ARSB: variants seen among roughly 807,000 people sequenced by gnomAD.
The protein encoded by ARSB is arylsulfatase B.
ARSB carries 41 observed loss-of-function variants against 50.9 expected under a neutral mutation model. The observed-to-expected ratio is 0.81, with a 90% CI of 0.63 to 1.04. The LOEUF is 1.04. Among genes scored for constraint, ARSB ranks in the 50% least tolerant of loss-of-function variants. The probability of loss-of-function intolerance (pLI) is 0.00; values close to 1 mark genes in which losing one functional copy is unlikely to be tolerated. For missense variants in ARSB, 672 were observed against 693.3 expected (o/e 0.97, Z 0.35); for synonymous variants, 269 against 284.8 (o/e 0.94, Z 0.56).
At chr5:78,886,140 C>T (rs1426580622) in intron 4 of ARSB, among the ~76,000 whole-genome samples, 2 of 152,140 alleles carry the variant, frequency 1.3e-5, no homozygotes, top group Admixed American at 1.3e-4. Context: ...ACTTTAAATA[C>T]ACCTGTGTAA....
Position 78,944,875 on chromosome 5 carries a change from G to A in ARSB, c.898+10420C>T, listed in dbSNP as rs1201105401. 3.3e-5 allele frequency among the ~76,000 whole-genome samples: 5 copies of A among 152,358 alleles called. No individual in the cohort carries two copies. In the South Asian group the frequency reaches 1.0e-3, roughly 32 times the overall value. On this transcript the variant is annotated intron_variant, in intron 4 of 7. Transcript: ENST00000264914. ...TGTTCAGCTATGCCCTGCCCCCAGA[G>A]GTGGAGTCTACAGAGGCAGACAGGC...
chr5:78,888,281 AAAC>A (rs569311108), intron 4 of ARSB, among the ~76,000 whole-genome samples: 437 of 152,344 alleles, frequency 2.9e-3, no homozygotes, highest in Middle Eastern at 0.014. Flanking sequence ...CGTATATTCA[AAAC>A]AACAAAAGGT....
At chr5:78,852,748 G>A (rs1490124696) in intron 5 of ARSB, among the ~76,000 whole-genome samples, 1 of 152,048 alleles carries the variant, frequency 6.6e-6, no homozygotes, top group African/African-American at 2.4e-5. Flanking sequence ...TGGAGGCTTT[G>A]TTCGTTTCTT....
At chr5:78,950,092 C>G (rs1016041963) in intron 4 of ARSB, among the ~76,000 whole-genome samples, 2 of 152,152 alleles carry the variant, frequency 1.3e-5, no homozygotes, top group Non-Finnish European at 2.9e-5. Flanking sequence ...GATTCCTGTG[C>G]AGGTTCCTGG....
chr5:78,916,656 T>C (rs1749557880), intron 4 of ARSB, among the ~76,000 whole-genome samples: 1 of 152,228 alleles, frequency 6.6e-6, no homozygotes, highest in African/African-American at 2.4e-5. Context: ...TTTATCATTT[T>C]CCTATTAAGT....
intron 4 of ARSB, among the ~76,000 whole-genome samples, chr5:78,893,063 G>A (rs1328703405): frequency 2.6e-5 from 4 of 151,386 alleles, no homozygotes; most frequent in African/African-American, 9.7e-5. Context: ...GAATCACAGG[G>A]GCAGATTCCC....
In ARSB at chr5:78,907,396, G is replaced by T. The variant is rs140979266; in HGVS notation, c.899-21569C>A. 7.2e-5 allele frequency among the ~76,000 whole-genome samples: 11 copies of T among 152,286 alleles called. No homozygotes were observed. In the East Asian group the frequency reaches 1.9e-3, roughly 27 times the overall value. On this transcript the variant is annotated intron_variant, in intron 4 of 7. Coordinates refer to ENST00000264914, the MANE Select transcript of ARSB (RefSeq NM_000046.5). ...AGTGTTTCCAGGACTTTGGTTCAGAGTGAGGACTGGAGGCCCAGCCACACT... is the reference window on the plus strand; with the variant it reads ...AGTGTTTCCAGGACTTTGGTTCAGATTGAGGACTGGAGGCCCAGCCACACT...
At chr5:78,851,826 G>A (rs1171505914) in intron 5 of ARSB, among the ~76,000 whole-genome samples, 2 of 151,970 alleles carry the variant, frequency 1.3e-5, no homozygotes, top group East Asian at 3.9e-4. Flanking sequence ...GGCCTTCTTT[G>A]TCTCTTTTGA....
intron 6 of ARSB, among the ~76,000 whole-genome samples, chr5:78,827,858 T>G (rs1226592153): frequency 6.6e-6 from 1 of 151,594 alleles, no homozygotes; most frequent in Non-Finnish European, 1.5e-5. Context: ...TTCCACAATT[T>G]CTGATTTTTT....
chr5:78,879,865 A>C (rs779548645), intron 5 of ARSB, among the ~76,000 whole-genome samples: 1 of 152,208 alleles, frequency 6.6e-6, no homozygotes, highest in Non-Finnish European at 1.5e-5. Context: ...TTTCTCAAGC[A>C]ATGGGAACAG....
At chr5:78,984,143 T>C (rs1394629083) in intron 1 of ARSB, among the ~76,000 whole-genome samples, 1 of 152,192 alleles carries the variant, frequency 6.6e-6, no homozygotes, top group African/African-American at 2.4e-5. Context: ...CCAACGAGCC[T>C]TTACAGGCTT....
At chr5:78,936,132 T>C (rs1275367963) in intron 4 of ARSB, among the ~76,000 whole-genome samples, 4 of 131,516 alleles carry the variant, frequency 3.0e-5, no homozygotes, top group South Asian at 2.9e-4. Flanking sequence ...TCTCTCTCTT[T>C]TTTTTTTTTT....
chr5:78,801,342 G>A (rs1411807462), intron 6 of ARSB, among the ~76,000 whole-genome samples: 1 of 152,188 alleles, frequency 6.6e-6, no homozygotes, highest in African/African-American at 2.4e-5. Flanking sequence ...GAAGAGCCTA[G>A]TCGGGGAAGT....
rs1489608554 is a variant in ARSB at position 78,814,261 on chromosome 5, G to C, written c.1213+25095C>G. Among the ~76,000 whole-genome samples the C allele has an allele frequency of 2.0e-5, 3 of 151,088 alleles. No homozygotes were observed. In the East Asian group the frequency reaches 5.8e-4, roughly 29 times the overall value. On this transcript the variant is annotated intron_variant, in intron 6 of 7. Coordinates refer to ENST00000264914, the MANE Select transcript of ARSB (RefSeq NM_000046.5). ...TCAGATGCCATTTGGAGTCTATACA[G>C]TTTTTCAATAGTGTAACACACAAAT...
chr5:78,981,441 C>T lies in ARSB; in HGVS notation c.312+3496G>A, dbSNP rs115921479. ...AAGGCTGAATTAAGTAAGTTCCTAG[C>T]AGCAGAACAAGTAGTACACGCAATT... On this transcript the variant is annotated intron_variant, in intron 1 of 7. Transcript: ENST00000264914. 8.0e-3 allele frequency among the ~76,000 whole-genome samples: 1,219 copies of T among 152,316 alleles called. 12 individuals are homozygous for T. Among genetic ancestry groups the T allele is most frequent in the African/African-American group, 0.027 (1,119 of 41,570 alleles).
chr5:78,886,286 C>A (rs938145128), intron 4 of ARSB, among the ~76,000 whole-genome samples: 2 of 152,036 alleles, frequency 1.3e-5, no homozygotes, highest in Non-Finnish European at 2.9e-5. Flanking sequence ...TTCTTTTCCT[C>A]TTGGAAAAAA....
chr5:78,910,715 A>G (rs1053563872), intron 4 of ARSB, among the ~76,000 whole-genome samples: 2 of 152,136 alleles, frequency 1.3e-5, no homozygotes, highest in African/African-American at 4.8e-5. Context: ...ATCTGAGCAC[A>G]CTAAAAAAAT....
In ARSB at chr5:78,780,230, T is replaced by C. The variant is rs1231756993; in HGVS notation, c.*167A>G. On this transcript the variant is annotated 3_prime_UTR_variant, in exon 8 of 8. Coordinates refer to ENST00000264914, the MANE Select transcript of ARSB (RefSeq NM_000046.5). ...AACAGCAGGAGTGTTGCAGATTTTA[T>C]CAGCTTCTTAAATGCATTAGGGGTT... The C allele has an allele frequency of 1.0e-5, 9 of 874,342 alleles. No homozygotes were observed. The Admixed American group carries it at 2.0e-4, about 20-fold the overall frequency. The allele number at this position is 874,342 out of a possible 1,614,324, so 54.2% of individuals were successfully genotyped here.
rs543708824 is a variant in ARSB at position 78,780,334 on chromosome 5, A to G, written c.*63T>C. Reference sequence around the variant, plus strand: ...AGGTTGGGATAACAAATGAGACAAGAGTCGTGAGAAAAGGCCTGAGGTCCA... The same window carrying G: ...AGGTTGGGATAACAAATGAGACAAGGGTCGTGAGAAAAGGCCTGAGGTCCA... On this transcript the variant is annotated 3_prime_UTR_variant, in exon 8 of 8. Transcript: ENST00000264914. The G allele has an allele frequency of 2.7e-5, 44 of 1,608,258 alleles. No individual in the cohort carries two copies. The highest frequency in any genetic ancestry group is 4.3e-4 in the Middle Eastern group (2 of 4,664).
Sources: gnomAD v4.1 joint callset for allele counts (sites outside exome capture counted in the v4.1 genomes callset) on GRCh38, gnomAD v4.1.1 for gene constraint, MANE v1.5 for transcripts, NCBI Gene and HGNC (gene_info 2026-07-23, HGNC 2026-07-21) for gene names.